The following STOX1 variants were observed in gnomAD, a reference collection of about 807,000 sequenced individuals.
STOX1 encodes storkhead-box protein 1.
Under a neutral mutation model 74.8 loss-of-function variants are expected in STOX1, and 57 were observed. That is an observed-to-expected ratio of 0.76 (90% CI 0.62 to 0.95). The LOEUF is 0.95. Ranked by LOEUF, STOX1 falls within the 40% of genes least tolerant of loss-of-function variation. The probability of loss-of-function intolerance (pLI) is 0.00; values close to 1 mark genes in which losing one functional copy is unlikely to be tolerated. For synonymous variants in STOX1, 375 were observed against 401.3 expected, an observed-to-expected ratio of 0.93 and a Z score of 0.78; for missense variants, 1,010 against 1,117.0, an observed-to-expected ratio of 0.90 and a Z score of 1.37.
Position 68,885,432 on chromosome 10 carries a change from AAAG to A in STOX1, c.1637_1639del (p.Lys546_Ala547delinsThr), listed in dbSNP as rs755236050. The A allele has an allele frequency of 6.2e-7, 1 of 1,614,210 alleles. No individual in the cohort carries two copies. The highest frequency in any genetic ancestry group is 8.5e-7 in the Non-Finnish European group (1 of 1,180,026). ...GGATTCCTCAAGAATCTTTGATGGT[AAAG>A]CCAAAGAGCCATATGCTGAACAACC... On this transcript the variant is annotated inframe_deletion, in exon 3 of 4. Coordinates refer to ENST00000298596, the MANE Select transcript of STOX1 (RefSeq NM_152709.5).
intron 1 of STOX1, among the ~76,000 whole-genome samples, chr10:68,838,523 CAG>C (rs758686328): frequency 5.3e-5 from 8 of 152,174 alleles, no homozygotes; most frequent in Non-Finnish European, 1.0e-4. Context: ...CATCTGTAAA[CAG>C]AGATGATTTT....
At chr10:68,895,293 C>G (rs776858898), downstream of STOX1, 3 of 152,100 alleles carry the variant, frequency 2.0e-5, no homozygotes, top group African/African-American at 4.8e-5. Context: ...CTAATTTTGC[C>G]ACTGGATGCA....
chr10:68,855,773 ACT>A (rs1429033271), intron 1 of STOX1, among the ~76,000 whole-genome samples: 1 of 150,882 alleles, frequency 6.6e-6, no homozygotes, highest in African/African-American at 2.4e-5. Flanking sequence ...ACAAAAAAAG[ACT>A]CTTAATGTGT....
chr10:68,831,081 A>C (rs1012319178), intron 1 of STOX1, among the ~76,000 whole-genome samples: 1 of 152,182 alleles, frequency 6.6e-6, no homozygotes, highest in Non-Finnish European at 1.5e-5. Flanking sequence ...GCTGTGGACT[A>C]TTGCAGGTTG....
At chr10:68,876,119 AATATATATATATATATAT>A (rs56325624) in intron 1 of STOX1, among the ~76,000 whole-genome samples, 4,836 of 135,534 alleles carry the variant, frequency 0.036, 335 homozygotes, top group African/African-American at 0.12. Context: ...TCTTTACCAG[AATATATATATATATATAT>A]ATATATATAT....
At chr10:68,856,282 A>G (rs570416065) in intron 1 of STOX1, among the ~76,000 whole-genome samples, 5 of 152,148 alleles carry the variant, frequency 3.3e-5, no homozygotes, top group Non-Finnish European at 4.4e-5. Flanking sequence ...CAGCATTTAC[A>G]GGGATAAAAT....
At position 68,827,567 on chromosome 10, in the gene STOX1, G is replaced by T. The variant is rs184399576; in HGVS notation, c.-57G>T. The T allele has an allele frequency of 1.9e-6, 2 of 1,070,840 alleles. No homozygotes were observed. Among genetic ancestry groups the T allele is most frequent in the South Asian group, 4.5e-5 (1 of 22,254 alleles). The allele number at this position is 1,070,840 out of a possible 1,614,324, so 66.3% of individuals were successfully genotyped here. A position where few individuals can be genotyped will look rare whatever the true frequency, so the allele number is the denominator to read the frequency against. On this transcript the variant is annotated 5_prime_UTR_variant, in exon 1 of 4. Transcript: ENST00000298596. The stretch of plus-strand genomic sequence containing the variant: ...ATCCTCCCGCCGAGCGAGCGGCGTC[G>T]TAGCCGCCGCGCTCGCCGAGGCCCT...
intron 1 of STOX1, among the ~76,000 whole-genome samples, chr10:68,840,771 A>G (rs1046756275): frequency 3.3e-5 from 5 of 151,824 alleles, no homozygotes; most frequent in Middle Eastern, 3.2e-3. Flanking sequence ...CATGTTGCCC[A>G]GGCTTGTCTT....
At chr10:68,877,160 G>A (rs1474534456) in intron 1 of STOX1, among the ~76,000 whole-genome samples, 1 of 152,114 alleles carries the variant, frequency 6.6e-6, no homozygotes, top group East Asian at 1.9e-4. Flanking sequence ...AGCAATTAAC[G>A]GTGTCCTCTA....
rs67316641 is a variant in STOX1 at position 68,873,651 on chromosome 10, CT to C, written c.311-8293del. ...TTTCTTCTTCTTCTTCTTTTTTTTT[CT>C]TTTTTTTTTTTTTCTTTTTTTTGAG... On this transcript the variant is annotated intron_variant, in intron 1 of 3. Coordinates refer to ENST00000298596, the MANE Select transcript of STOX1 (RefSeq NM_152709.5). Among the ~76,000 whole-genome samples, 127 of 24,512 alleles carry C rather than the reference CT, an allele frequency of 5.2e-3. 2 individuals carry two copies. Among genetic ancestry groups the C allele is most frequent in the South Asian group, 0.026 (21 of 798 alleles). The allele number at this position is 24,512 out of a possible 152,430, so 16.1% of individuals were successfully genotyped here. A position where few individuals can be genotyped will look rare whatever the true frequency, so the allele number is the denominator to read the frequency against.
chr10:68,829,361 CA>C (rs1391498805), intron 1 of STOX1, among the ~76,000 whole-genome samples: 1 of 152,062 alleles, frequency 6.6e-6, no homozygotes, highest in Non-Finnish European at 1.5e-5. Context: ...ACTAAAAATA[CA>C]AAAATTAGCC....
At chr10:68,841,802 G>A (rs185134508) in intron 1 of STOX1, among the ~76,000 whole-genome samples, 7 of 152,276 alleles carry the variant, frequency 4.6e-5, no homozygotes, top group South Asian at 2.1e-4. Flanking sequence ...AGCAAAGCCT[G>A]TTTTTGCTGA....
chr10:68,840,103 A>T (rs1305543892), intron 1 of STOX1, among the ~76,000 whole-genome samples: 1 of 152,224 alleles, frequency 6.6e-6, no homozygotes, highest in African/African-American at 2.4e-5. Context: ...GGTCTCTTCA[A>T]CAAATGGTCC....
At chr10:68,895,342 G>T (rs1841172272), downstream of STOX1, 1 of 152,184 alleles carries the variant, frequency 6.6e-6, no homozygotes, top group African/African-American at 2.4e-5. Context: ...TGTATTAAAT[G>T]AATCAAGCTC....
rs868384185 is a variant in STOX1 at position 68,853,214 on chromosome 10, T to C, written c.310+25281T>C. ...CTCTGGGATTACAGGCGTGAGCCAC[T>C]GTGCCCGGCCGGTCATTTTGTTTTA... is the stretch of plus-strand genomic sequence containing the variant. On this transcript the variant is annotated intron_variant, in intron 1 of 3. Transcript: ENST00000298596. Among the ~76,000 whole-genome samples, 6 of 152,176 alleles carry C rather than the reference T, an allele frequency of 3.9e-5. No individual in the cohort carries two copies. The Middle Eastern group carries it at 0.017, about 431-fold the overall frequency.
chr10:68,861,330 T>C (rs4320849), intron 1 of STOX1, among the ~76,000 whole-genome samples: 61,637 of 151,984 alleles, frequency 0.41, 13,236 homozygotes, highest in Non-Finnish European at 0.49. Flanking sequence ...GGGTCTGGCT[T>C]TTTATCTGCA....
intron 1 of STOX1, among the ~76,000 whole-genome samples, chr10:68,862,677 T>C (rs537917285): frequency 1.2e-4 from 19 of 152,106 alleles, no homozygotes; most frequent in Non-Finnish European, 2.4e-4. Flanking sequence ...GTACTTCTTA[T>C]CATTTCTGCT....
At chr10:68,829,038 A>C (rs564974073) in intron 1 of STOX1, 282 of 981,858 alleles carry the variant, frequency 2.9e-4, no homozygotes, top group Middle Eastern at 5.3e-4. Context: ...GTCTGCATTT[A>C]TGTGAGGCTG....
chr10:68,888,321 C>T (rs1382571113), intron 3 of STOX1, among the ~76,000 whole-genome samples: 4 of 151,650 alleles, frequency 2.6e-5, no homozygotes, highest in East Asian at 3.9e-4. Context: ...AGACTGGTCT[C>T]GAACTCCTGA....
Sources: allele counts gnomAD v4.1 joint callset (sites outside exome capture counted in the v4.1 genomes callset), GRCh38; gene constraint gnomAD v4.1.1; transcripts MANE v1.5; gene names NCBI Gene and HGNC (gene_info 2026-07-23, HGNC 2026-07-21).